GSG1L: variants seen among roughly 807,000 people sequenced by gnomAD.
The protein encoded by GSG1L is GSG1 like.
GSG1L carries 24 observed loss-of-function variants against 42.1 expected under a neutral mutation model. That is an observed-to-expected ratio of 0.57 (90% confidence interval 0.41 to 0.80). The LOEUF is 0.80. GSG1L is among the 30% of genes least tolerant of loss of function. GSG1L has a pLI of 0.00. For synonymous variants in GSG1L, 215 were observed against 203.5 expected (o/e 1.06, Z -0.48); for missense variants, 445 against 472.2 (o/e 0.94, Z 0.53).
intron 2 of GSG1L, among the ~76,000 whole-genome samples, chr16:27,941,363 T>C (rs1382474795): frequency 6.6e-6 from 1 of 151,354 alleles, no homozygotes; most frequent in Non-Finnish European, 1.5e-5. Flanking sequence ...GCTATGAGGT[T>C]GCAAAGGCAT....
At chr16:27,812,536 G>C (rs139659760) in intron 5 of GSG1L, among the ~76,000 whole-genome samples, 1 of 152,310 alleles carries the variant, frequency 6.6e-6, no homozygotes, top group East Asian at 1.9e-4. Context: ...GGCCTGCGTG[G>C]ATAGCGTGTT....
At chr16:28,030,849 T>G (rs1465821559) in intron 1 of GSG1L, among the ~76,000 whole-genome samples, 51 of 58,920 alleles carry the variant, frequency 8.7e-4, no homozygotes, top group Middle Eastern at 0.015. Context: ...GGGATGGGAT[T>G]GGATAGACTG....
chr16:27,936,043 C>T (rs1337269750), intron 2 of GSG1L, among the ~76,000 whole-genome samples: 1 of 151,436 alleles, frequency 6.6e-6, no homozygotes, highest in Non-Finnish European at 1.5e-5. Context: ...CAGGGAATCA[C>T]CCCCACCCTT....
At chr16:27,876,219 G>A (rs989195947) in intron 3 of GSG1L, among the ~76,000 whole-genome samples, 8 of 152,142 alleles carry the variant, frequency 5.3e-5, no homozygotes, top group African/African-American at 9.7e-5. Context: ...TTATGGGTGG[G>A]GGATTCTTTC....
intron 2 of GSG1L, among the ~76,000 whole-genome samples, chr16:27,902,081 A>T (rs1434052029): frequency 6.6e-6 from 1 of 152,180 alleles, no homozygotes; most frequent in East Asian, 1.9e-4. Context: ...GGTTATTGGA[A>T]GTGGTGTTAT....
At chr16:27,933,276 C>G (rs1016713777) in intron 2 of GSG1L, among the ~76,000 whole-genome samples, 1 of 152,130 alleles carries the variant, frequency 6.6e-6, no homozygotes, top group Non-Finnish European at 1.5e-5. Context: ...TCCCGAGTTT[C>G]TGTCTCACCA....
intron 3 of GSG1L, among the ~76,000 whole-genome samples, chr16:27,868,594 T>TA (rs35102160): frequency 0.021 from 3,053 of 145,278 alleles, 81 homozygotes; most frequent in African/African-American, 0.065. Flanking sequence ...GCAAGAGCTG[T>TA]AAAAAAAAAA....
intron 1 of GSG1L, among the ~76,000 whole-genome samples, chr16:28,051,065 C>G (rs537798453): frequency 6.6e-6 from 1 of 152,290 alleles, no homozygotes; most frequent in African/African-American, 2.4e-5. Context: ...CTAGACAAAG[C>G]CTAGCACATA....
chr16:27,892,221 G>A (rs921133107), intron 2 of GSG1L, among the ~76,000 whole-genome samples: 2 of 152,058 alleles, frequency 1.3e-5, no homozygotes, highest in Admixed American at 6.5e-5. Flanking sequence ...TTGAGAGGCC[G>A]AGCTGGGAGG....
rs189933895 is a variant in GSG1L, at chr16:27,963,169, C to T, written c.384G>A (p.Pro128=). 280 of 1,613,586 alleles carry T rather than the reference C, an allele frequency of 1.7e-4. No individual in the cohort carries two copies. In the East Asian group the frequency reaches 3.2e-3, roughly 19 times the overall value. The change falls in exon 2 of 7, where the codon CCG becomes CCA. Residue 128 remains proline (P), a synonymous_variant. Transcript: ENST00000447459. ...GGTCACACTCACCTTTCTCCGATGC[C>T]GGGGCCAGGTCAATGAAGCTGCGAC... is the stretch of plus-strand genomic sequence containing the variant. The part of the protein sequence containing the change: ...EKCRSFIDLA[P]ASEKGVLWLS...
intron 3 of GSG1L, among the ~76,000 whole-genome samples, chr16:27,864,333 G>A (rs1351157796): frequency 6.6e-6 from 1 of 152,114 alleles, no homozygotes; most frequent in African/African-American, 2.4e-5. Flanking sequence ...AAGTCATTGT[G>A]TTCTAAGCTG....
chr16:27,937,257 T>A (rs992394960), intron 2 of GSG1L, among the ~76,000 whole-genome samples: 13 of 151,800 alleles, frequency 8.6e-5, no homozygotes, highest in Non-Finnish European at 1.6e-4. Context: ...TTTTTTTTTT[T>A]AATGGAGTCT....
chr16:28,063,280 G>C lies in GSG1L; in HGVS notation c.145C>G (p.Arg49Gly). Reference protein sequence around the residue: ...VPKPGCGQGGRANCPNSGANA... With the variant: ...VPKPGCGQGGGANCPNSGANA... Reference sequence around the variant, plus strand: ...GCGCCCGAGTTGGGGCAGTTGGCGCGCCCGCCCTGGCCGCAGCCCGGCTTG... The same window carrying C: ...GCGCCCGAGTTGGGGCAGTTGGCGCCCCCGCCCTGGCCGCAGCCCGGCTTG... The change falls in exon 1 of 7, where the codon CGC (arginine) becomes GGC (glycine). Residue 49 changes from arginine to glycine, a missense_variant. Physicochemically the swap from Arg to Gly is moderately radical, Grantham distance 125. Around this residue, in one of 3 missense-constraint regions of GSG1L, gnomAD observed 156 missense variants for 128.3 expected, o/e 1.22. Coordinates refer to ENST00000447459, the MANE Select transcript of GSG1L (RefSeq NM_001109763.2). This position sits in a 1 kb window ranked among gnomAD's most constrained non-coding sequence, Gnocchi z 5.8. The C allele has an allele frequency of 7.3e-7, 1 of 1,371,590 alleles. No individual in the cohort carries two copies. Among genetic ancestry groups the C allele is most frequent in the Non-Finnish European group, 9.5e-7 (1 of 1,053,390 alleles). 85.0% of individuals were successfully genotyped at this position (1,371,590 alleles called of 1,614,324 possible).
intron 5 of GSG1L, among the ~76,000 whole-genome samples, chr16:27,814,204 T>G (rs1436732165): frequency 6.6e-6 from 1 of 152,198 alleles, no homozygotes; most frequent in East Asian, 1.9e-4. Context: ...CTCGACCTTC[T>G]GGGCTCAAGC....
At chr16:27,974,160 G>C (rs1249658858) in intron 1 of GSG1L, among the ~76,000 whole-genome samples, 1 of 152,114 alleles carries the variant, frequency 6.6e-6, no homozygotes, top group Non-Finnish European at 1.5e-5. Flanking sequence ...TTCAGGGAGG[G>C]GACAGCAGAG....
chr16:27,910,882 A>G (rs1451306116), intron 2 of GSG1L, among the ~76,000 whole-genome samples: 1 of 152,148 alleles, frequency 6.6e-6, no homozygotes, highest in Non-Finnish European at 1.5e-5. Context: ...GCGTGGTGGC[A>G]TGCACTTGTG....
chr16:27,910,614 C>T (rs1196315303), intron 2 of GSG1L, among the ~76,000 whole-genome samples: 1 of 152,186 alleles, frequency 6.6e-6, no homozygotes, highest in East Asian at 1.9e-4. Flanking sequence ...CTGCATGGTT[C>T]ATGACCCTCA....
intron 2 of GSG1L, among the ~76,000 whole-genome samples, chr16:27,892,733 T>C (rs2141034187): frequency 7.0e-6 from 1 of 142,804 alleles, no homozygotes; most frequent in African/African-American, 2.6e-5. Context: ...GAGGTTGCAG[T>C]GAGCTGAGAT....
intron 1 of GSG1L, among the ~76,000 whole-genome samples, chr16:28,014,859 C>A (rs2085762381): frequency 6.6e-6 from 1 of 152,014 alleles, no homozygotes; most frequent in South Asian, 2.1e-4. Context: ...TATAATAAAC[C>A]TTTCTTGCAT....
Sources: allele counts gnomAD v4.1 joint callset (sites outside exome capture counted in the v4.1 genomes callset), GRCh38; gene constraint gnomAD v4.1.1; regional missense constraint gnomAD v4.1.1; non-coding constraint Gnocchi (gnomAD v3.1); transcripts MANE v1.5; gene names NCBI Gene and HGNC (gene_info 2026-07-23, HGNC 2026-07-21).